GNAI1: variants seen among roughly 807,000 people sequenced by gnomAD.
GNAI1 encodes the protein G protein subunit alpha i1, also known as guanine nucleotide-binding protein G(i) subunit alpha-1.
A neutral mutation model predicts 38.9 loss-of-function variants in GNAI1; 11 were observed. The ratio of observed to expected loss-of-function variants is 0.28; its 90% confidence interval spans 0.18 to 0.47. The LOEUF (loss-of-function observed/expected upper bound fraction) is 0.47, where lower values mean the gene tolerates loss of function less well. Among genes scored for constraint, GNAI1 ranks in the 20% least tolerant of loss-of-function variants. GNAI1 has a pLI of 0.99. For synonymous variants in GNAI1, 166 were observed against 145.1 expected, an observed-to-expected ratio of 1.14 and a Z score of -1.04; for missense variants, 317 against 436.9, an observed-to-expected ratio of 0.73 and a Z score of 2.45.
At chr7:80,174,738 C>T (rs1584027466) in intron 1 of GNAI1, among the ~76,000 whole-genome samples, 3 of 151,942 alleles carry the variant, frequency 2.0e-5, no homozygotes, top group South Asian at 2.1e-4. Context: ...TCGCATAAAC[C>T]GAACCTGACC....
rs912925197 is a variant in GNAI1, at chr7:80,225,337, A to G, written c.*7844A>G. Among the ~76,000 whole-genome samples, 1 of 152,214 alleles carries G rather than the reference A, an allele frequency of 6.6e-6. No homozygotes were observed. The highest frequency in any genetic ancestry group is 1.5e-5 in the Non-Finnish European group (1 of 68,046). ...CTCTCTTTATTTTTAGTTCCAATAC[A>G]TGGAGGGGGAGTTGACCCTTCAAGA... On this transcript the variant is annotated 3_prime_UTR_variant, in exon 8 of 8. Transcript: ENST00000649796.
chr7:80,159,952 T>C (rs181422699), intron 1 of GNAI1, among the ~76,000 whole-genome samples: 24 of 152,180 alleles, frequency 1.6e-4, no homozygotes, highest in African/African-American at 5.5e-4. Context: ...GGGCACTTGC[T>C]AGTACTGGTT....
At chr7:80,156,574 A>G (rs1450534764) in intron 1 of GNAI1, among the ~76,000 whole-genome samples, 1 of 152,072 alleles carries the variant, frequency 6.6e-6, no homozygotes, top group Non-Finnish European at 1.5e-5. Context: ...GACTGCAGGT[A>G]CATGCCACCA....
chr7:80,159,614 T>G (rs1444509813), intron 1 of GNAI1, among the ~76,000 whole-genome samples: 1 of 152,244 alleles, frequency 6.6e-6, no homozygotes, highest in Non-Finnish European at 1.5e-5. Flanking sequence ...TATTATTTCT[T>G]TGTGCTGAGA....
chr7:80,175,340 T>C (rs555325707), intron 1 of GNAI1, among the ~76,000 whole-genome samples: 156 of 151,004 alleles, frequency 1.0e-3, no homozygotes, highest in African/African-American at 3.7e-3. Context: ...AAAAGGAAAT[T>C]AAAAAATATA....
intron 1 of GNAI1, among the ~76,000 whole-genome samples, chr7:80,175,689 G>A (rs2523184): frequency 0.43 from 65,760 of 151,652 alleles, 15,061 homozygotes; most frequent in African/African-American, 0.58. Flanking sequence ...CAATATTTCA[G>A]ATGTGATCTG....
intron 5 of GNAI1, among the ~76,000 whole-genome samples, chr7:80,205,376 C>G (rs2115688788): frequency 6.6e-6 from 1 of 152,058 alleles, no homozygotes; most frequent in East Asian, 1.9e-4. Context: ...CCACTGCAGT[C>G]ATGGGCATCA....
intron 1 of GNAI1, among the ~76,000 whole-genome samples, chr7:80,147,475 T>A (rs542863856): frequency 6.6e-6 from 1 of 152,158 alleles, no homozygotes; most frequent in Admixed American, 6.5e-5. Context: ...CAGACCATTC[T>A]GGCCCCCTGA....
rs1789051623 is a variant in GNAI1 at position 80,220,400 on chromosome 7, C to T, written c.*2907C>T. ...TTGTTTGTGATACCTCTTTTAGACT[C>T]CTCTGGCATCTGTTCTTCAGGGTGC... On this transcript the variant is annotated 3_prime_UTR_variant, in exon 8 of 8. Transcript: ENST00000649796. Among the ~76,000 whole-genome samples the T allele has an allele frequency of 6.6e-6, 1 of 152,176 alleles. No homozygotes were observed. Among genetic ancestry groups the T allele is most frequent in the Admixed American group, 6.5e-5 (1 of 15,284 alleles).
intron 1 of GNAI1, among the ~76,000 whole-genome samples, chr7:80,174,424 C>T (rs954699811): frequency 4.0e-5 from 6 of 148,152 alleles, no homozygotes; most frequent in African/African-American, 1.2e-4. Flanking sequence ...TGCTTATTTT[C>T]CCTCTATGAA....
At chr7:80,191,864 A>G (rs989108332) in intron 3 of GNAI1, among the ~76,000 whole-genome samples, 2 of 152,212 alleles carry the variant, frequency 1.3e-5, no homozygotes, top group Non-Finnish European at 1.5e-5. Flanking sequence ...CTGTTTTACC[A>G]TAGTCTCAAC....
At chr7:80,190,675 T>A (rs1366731670) in intron 3 of GNAI1, among the ~76,000 whole-genome samples, 2 of 152,184 alleles carry the variant, frequency 1.3e-5, no homozygotes, top group Non-Finnish European at 2.9e-5. Context: ...ATAAAAATTG[T>A]ACCTTACACC....
intron 1 of GNAI1, among the ~76,000 whole-genome samples, chr7:80,145,143 A>G (rs978881561): frequency 1.2e-4 from 18 of 152,148 alleles, no homozygotes; most frequent in African/African-American, 4.3e-4. Flanking sequence ...AAGTGATAAA[A>G]TCCAAGTAAT....
intron 4 of GNAI1, 79 bp from the exon 5 acceptor site, chr7:80,203,625 T>C: frequency 1.2e-6 from 1 of 828,464 alleles, no homozygotes; most frequent in Non-Finnish European, 2.0e-6. Context: ...TGTATTGAAA[T>C]GTGTTTTAAT....
chr7:80,147,457 C>G (rs1469988652), intron 1 of GNAI1, among the ~76,000 whole-genome samples: 2 of 151,856 alleles, frequency 1.3e-5, no homozygotes, highest in Non-Finnish European at 2.9e-5. Context: ...AGGGCCCTCA[C>G]CAAGAACCAG....
intron 7 of GNAI1, among the ~76,000 whole-genome samples, chr7:80,215,055 T>TG (rs138706486): frequency 2.2e-3 from 338 of 152,312 alleles, no homozygotes; most frequent in Non-Finnish European, 3.9e-3. Flanking sequence ...AGATCTCTTC[T>TG]CTTTCCCTTT....
At chr7:80,204,610 A>G (rs993807544) in intron 5 of GNAI1, among the ~76,000 whole-genome samples, 3 of 152,252 alleles carry the variant, frequency 2.0e-5, no homozygotes, top group African/African-American at 7.2e-5. Flanking sequence ...TGTTTTATCT[A>G]TACAGCCTTC....
At chr7:80,141,756 C>G (rs925808268) in intron 1 of GNAI1, among the ~76,000 whole-genome samples, 4 of 152,118 alleles carry the variant, frequency 2.6e-5, no homozygotes, top group Non-Finnish European at 5.9e-5. Flanking sequence ...CAAGAAAAAA[C>G]AAAAACAAAG....
chr7:80,217,219 T>TTCATATGTATGAAACTGACTTCAGTC, intron 7 of GNAI1, 84 bp from the exon 8 acceptor site: 3 of 891,760 alleles, frequency 3.4e-6, no homozygotes, highest in Non-Finnish European at 5.0e-6. Flanking sequence ...TGACTTCAGT[T>TTCATATGTATGAAACTGACTTCAGTC]TCATATGTAT....
Sources: gnomAD v4.1 joint callset for allele counts (sites outside exome capture counted in the v4.1 genomes callset) on GRCh38, gnomAD v4.1.1 for gene constraint, MANE v1.5 for transcripts, NCBI Gene and HGNC (gene_info 2026-07-23, HGNC 2026-07-21) for gene names.